Variants in SUMF1 observed in about 807,000 individuals in gnomAD.
SUMF1 encodes formylglycine-generating enzyme.
A neutral mutation model predicts 47.6 loss-of-function variants in SUMF1; 48 were observed. The observed-to-expected ratio is 1.01, with a 90% CI of 0.80 to 1.28. The LOEUF is 1.28. Among genes scored for constraint, SUMF1 ranks in the 50% most tolerant of loss-of-function variants. SUMF1 has a pLI of 0.00. For synonymous variants in SUMF1, 230 were observed against 192.1 expected (o/e 1.20, Z -1.63); for missense variants, 571 against 485.4 (o/e 1.18, Z -1.66).
At position 4,136,125 on chromosome 3, in the gene SUMF1, C is replaced by T. The variant is rs573462282; in HGVS notation, c.1015-67380G>A. Among the ~76,000 whole-genome samples the T allele has an allele frequency of 1.3e-3, 203 of 152,212 alleles. 2 individuals are homozygous for T. Among genetic ancestry groups the T allele is most frequent in the African/African-American group, 4.5e-3 (186 of 41,522 alleles). On this transcript the variant is annotated intron_variant and NMD_transcript_variant, in intron 8 of 12. Coordinates refer to the SUMF1 transcript ENST00000448413. ...TTCTTCACAGAATTGGAAAAAACTA[C>T]TTTAAAGTTCATACGGAACCAAAAA... is the stretch of plus-strand genomic sequence containing the variant.
chr3:4,160,971 G>C (rs1206697080), intron 8 of SUMF1, among the ~76,000 whole-genome samples: 1 of 152,062 alleles, frequency 6.6e-6, no homozygotes, highest in Non-Finnish European at 1.5e-5. Context: ...TTCTTGGGAA[G>C]GCTTTCCAGG....
At chr3:4,183,507 C>T (rs75521899) in intron 8 of SUMF1, among the ~76,000 whole-genome samples, 10 of 152,152 alleles carry the variant, frequency 6.6e-5, no homozygotes, top group East Asian at 3.9e-4. Flanking sequence ...AAATTGATAG[C>T]GCTCATCAGA....
chr3:4,371,598 CT>C (rs762721012), intron 8 of SUMF1, among the ~76,000 whole-genome samples: 3 of 152,176 alleles, frequency 2.0e-5, no homozygotes, highest in Non-Finnish European at 4.4e-5. Context: ...TGCTCTTCAT[CT>C]TGGTAGGATG....
At chr3:4,120,287 A>T (rs1693509632) in intron 8 of SUMF1, among the ~76,000 whole-genome samples, 2 of 151,794 alleles carry the variant, frequency 1.3e-5, no homozygotes, top group African/African-American at 2.4e-5. Flanking sequence ...ACCTAGTAGG[A>T]CACACAATAA....
chr3:4,153,522 G>GT (rs66765266), intron 8 of SUMF1, among the ~76,000 whole-genome samples: 3,041 of 145,512 alleles, frequency 0.021, 190 homozygotes, highest in African/African-American at 0.066. Context: ...CGCCTTGTAG[G>GT]TTTTTTTTTT....
chr3:4,323,558 A>T (rs979459848), intron 8 of SUMF1, among the ~76,000 whole-genome samples: 3 of 152,186 alleles, frequency 2.0e-5, no homozygotes, highest in African/African-American at 7.2e-5. Flanking sequence ...AGATATTATA[A>T]GAAAAAGAAG....
chr3:4,066,895 T>G (rs1448227741), intron 9 of SUMF1, among the ~76,000 whole-genome samples: 1 of 152,162 alleles, frequency 6.6e-6, no homozygotes, highest in Non-Finnish European at 1.5e-5. Context: ...GCAGCCAGCC[T>G]TCTTCCACCA....
intron 8 of SUMF1, among the ~76,000 whole-genome samples, chr3:4,092,525 C>G (rs1692809915): frequency 6.6e-6 from 1 of 152,114 alleles, no homozygotes; most frequent in Non-Finnish European, 1.5e-5. Context: ...GTAGTTAAGC[C>G]TTTCCTAAGT....
intron 8 of SUMF1, among the ~76,000 whole-genome samples, chr3:4,242,012 C>A (rs1575010895): frequency 6.6e-6 from 1 of 152,018 alleles, no homozygotes; most frequent in Non-Finnish European, 1.5e-5. Context: ...TGCACACGTG[C>A]TTGGAAAGGA....
chr3:4,191,009 A>C (rs1011994877), intron 8 of SUMF1, among the ~76,000 whole-genome samples: 1 of 152,182 alleles, frequency 6.6e-6, no homozygotes, highest in East Asian at 1.9e-4. Flanking sequence ...GAGTTCTACC[A>C]ACTCTATAAA....
chr3:4,147,810 AGAT>A (rs760748519), intron 8 of SUMF1, among the ~76,000 whole-genome samples: 14 of 152,158 alleles, frequency 9.2e-5, no homozygotes, highest in Admixed American at 2.0e-4. Flanking sequence ...TATCAATCGG[AGAT>A]GGAAATAGTC....
chr3:4,159,804 T>G (rs1694535502), intron 8 of SUMF1, among the ~76,000 whole-genome samples: 2 of 152,220 alleles, frequency 1.3e-5, no homozygotes, highest in Admixed American at 1.3e-4. Context: ...CTTTTATGTT[T>G]GAAGGATATT....
chr3:4,166,880 CG>C (rs1472275920), intron 8 of SUMF1, among the ~76,000 whole-genome samples: 1 of 152,046 alleles, frequency 6.6e-6, no homozygotes, highest in Non-Finnish European at 1.5e-5. Context: ...TCTGAAGAGT[CG>C]GGGGTGGTTA....
chr3:4,453,942 T>C (rs1414267082), intron 1 of SUMF1, among the ~76,000 whole-genome samples: 6 of 152,140 alleles, frequency 3.9e-5, no homozygotes, highest in Non-Finnish European at 8.8e-5. Context: ...CTGCTGGGAT[T>C]ATGAGCCATT....
intron 8 of SUMF1, among the ~76,000 whole-genome samples, chr3:4,251,995 A>T (rs1432970816): frequency 6.6e-6 from 1 of 152,198 alleles, no homozygotes; most frequent in Non-Finnish European, 1.5e-5. Flanking sequence ...GACTCACTTT[A>T]TGACAATATT....
intron 3 of SUMF1, among the ~76,000 whole-genome samples, chr3:4,425,302 T>G (rs987138421): frequency 6.6e-6 from 1 of 152,184 alleles, no homozygotes; most frequent in African/African-American, 2.4e-5. Context: ...AAAATAATAC[T>G]ATCTACTTCC....
At chr3:4,252,067 T>C (rs1269819408) in intron 8 of SUMF1, among the ~76,000 whole-genome samples, 4 of 152,210 alleles carry the variant, frequency 2.6e-5, no homozygotes, top group Admixed American at 1.3e-4. Context: ...CTGTAGATAG[T>C]GGTAGTTTCC....
intron 8 of SUMF1, among the ~76,000 whole-genome samples, chr3:4,078,081 CT>C (rs1252485959): frequency 3.3e-5 from 5 of 152,070 alleles, no homozygotes; most frequent in African/African-American, 9.7e-5. Flanking sequence ...GCAGCTTCCC[CT>C]CTCCTATGCT....
At chr3:4,426,847 T>C (rs1333154775) in intron 3 of SUMF1, among the ~76,000 whole-genome samples, 1 of 152,212 alleles carries the variant, frequency 6.6e-6, no homozygotes, top group Non-Finnish European at 1.5e-5. Flanking sequence ...GACTTTAACA[T>C]GACCTATTTC....
Sources: allele counts gnomAD v4.1 joint callset (sites outside exome capture counted in the v4.1 genomes callset), GRCh38; gene constraint gnomAD v4.1.1; transcripts MANE v1.5; gene names NCBI Gene and HGNC (gene_info 2026-07-23, HGNC 2026-07-21).